The following DRC11 variants were observed in gnomAD, a reference collection of about 807,000 sequenced individuals.
DRC11 encodes the protein dynein regulatory complex subunit 11.
chr2:236,447,613 C>G, the DRC11 span, among the ~76,000 whole-genome samples: 1 of 152,218 alleles, frequency 6.6e-6, no homozygotes. This position sits in a 1 kb window ranked among gnomAD's most constrained non-coding sequence, Gnocchi z 4.6. Context: ...AAACCTACAA[C>G]GGTCTTACCA....
chr2:236,503,139 C>T, the DRC11 span, among the ~76,000 whole-genome samples: 71 of 152,308 alleles, frequency 4.7e-4, no homozygotes, highest in African/African-American at 1.7e-3. This position sits in a 1 kb window ranked among gnomAD's most constrained non-coding sequence, Gnocchi z 4.9. Flanking sequence ...ACATTGGCCA[C>T]ACCAACAAGC....
the DRC11 span, chr2:236,331,269 C>A: frequency 1.1e-6 from 1 of 946,930 alleles, no homozygotes; most frequent in Non-Finnish European, 1.7e-6. This position sits in a 1 kb window ranked among gnomAD's most constrained non-coding sequence, Gnocchi z 4.8. Flanking sequence ...TGGCCGAGTT[C>A]CAATTCACGA....
chr2:236,357,117 A>ATTATATATTCGTATATTATATATC, the DRC11 span, among the ~76,000 whole-genome samples: 1 of 97,892 alleles, frequency 1.0e-5, no homozygotes, highest in African/African-American at 3.6e-5. Flanking sequence ...ATATATCTAT[A>ATTATATATTCGTATATTATATATC]TATTATATAT....
chr2:236,329,822 C>A, the DRC11 span, among the ~76,000 whole-genome samples: 2 of 152,154 alleles, frequency 1.3e-5, no homozygotes, highest in Non-Finnish European at 2.9e-5. Context: ...ATAGAGCAAA[C>A]AAATACACCA....
At chr2:236,455,066 G>A in the DRC11 span, 1 of 152,358 alleles carries the variant, frequency 6.6e-6, no homozygotes, top group East Asian at 1.9e-4. The surrounding 1 kb of genome is among the most constrained non-coding windows in gnomAD (Gnocchi z 5.7). Context: ...AGAAGTAGGA[G>A]AGAGGCAATT....
chr2:236,447,614 G>A, the DRC11 span, among the ~76,000 whole-genome samples: 4 of 152,158 alleles, frequency 2.6e-5, no homozygotes, highest in Non-Finnish European at 4.4e-5. The surrounding 1 kb of genome is among the most constrained non-coding windows in gnomAD (Gnocchi z 4.6). Context: ...AACCTACAAC[G>A]GTCTTACCAA....
the DRC11 span, chr2:236,377,217 GCA>G: frequency 1.6e-5 from 22 of 1,374,686 alleles, no homozygotes; most frequent in Non-Finnish European, 2.1e-5. The surrounding 1 kb of genome is among the most constrained non-coding windows in gnomAD (Gnocchi z 4.9). Context: ...TGTTCCAGAG[GCA>G]CACACACAGA....
chr2:236,434,559 G>A, the DRC11 span, among the ~76,000 whole-genome samples: 1 of 152,118 alleles, frequency 6.6e-6, no homozygotes, highest in African/African-American at 2.4e-5. The surrounding 1 kb of genome is among the most constrained non-coding windows in gnomAD (Gnocchi z 5.5). Context: ...TCGGAGTGTG[G>A]GGGGATGAAG....
At chr2:236,462,022 C>T in the DRC11 span, among the ~76,000 whole-genome samples, 5 of 152,112 alleles carry the variant, frequency 3.3e-5, no homozygotes, top group South Asian at 1.0e-3. The surrounding 1 kb of genome is among the most constrained non-coding windows in gnomAD (Gnocchi z 6.4). Context: ...AGCCCTTGGG[C>T]CCCATCCTGT....
At chr2:236,348,832 T>G in the DRC11 span, among the ~76,000 whole-genome samples, 23 of 152,228 alleles carry the variant, frequency 1.5e-4, no homozygotes, top group Admixed American at 1.4e-3. This position sits in a 1 kb window ranked among gnomAD's most constrained non-coding sequence, Gnocchi z 7.4. Flanking sequence ...TGCCCTGGTT[T>G]CTCTGCACTC....
the DRC11 span, chr2:236,507,241 G>C: frequency 6.2e-7 from 1 of 1,613,720 alleles, no homozygotes; most frequent in Admixed American, 1.7e-5. Context: ...GCTGTGGCTG[G>C]GAGCCCATCA....
chr2:236,450,313 T>C, the DRC11 span, among the ~76,000 whole-genome samples: 27 of 145,168 alleles, frequency 1.9e-4, no homozygotes, highest in Non-Finnish European at 2.4e-4. Context: ...TCTTTTCTTT[T>C]CTTTTTTTTT....
At chr2:236,430,864 C>T in the DRC11 span, among the ~76,000 whole-genome samples, 3 of 152,016 alleles carry the variant, frequency 2.0e-5, no homozygotes, top group South Asian at 2.1e-4. This position sits in a 1 kb window ranked among gnomAD's most constrained non-coding sequence, Gnocchi z 6.0. Flanking sequence ...AAAATGTAGT[C>T]GCTTTTGTTT....
the DRC11 span, among the ~76,000 whole-genome samples, chr2:236,425,863 T>C: frequency 6.6e-6 from 1 of 152,052 alleles, no homozygotes; most frequent in Non-Finnish European, 1.5e-5. Context: ...GATATATAGT[T>C]TTCTCAAACC....
the DRC11 span, among the ~76,000 whole-genome samples, chr2:236,442,757 G>C: frequency 6.6e-6 from 1 of 152,148 alleles, no homozygotes; most frequent in Non-Finnish European, 1.5e-5. Context: ...TAAGTCATGG[G>C]AACCTCTCCA....
chr2:236,375,857 T>C, the DRC11 span, among the ~76,000 whole-genome samples: 11 of 152,212 alleles, frequency 7.2e-5, no homozygotes, highest in East Asian at 1.5e-3. The surrounding 1 kb of genome is among the most constrained non-coding windows in gnomAD (Gnocchi z 4.2). Context: ...GAAGGAATGA[T>C]AGAAAAATCT....
At chr2:236,394,347 G>GCTGGGCCAGGCGCAGTGGC in the DRC11 span, among the ~76,000 whole-genome samples, 11 of 152,144 alleles carry the variant, frequency 7.2e-5, no homozygotes, top group Non-Finnish European at 1.6e-4. The surrounding 1 kb of genome is among the most constrained non-coding windows in gnomAD (Gnocchi z 7.0). Flanking sequence ...AAAAGAGTGG[G>GCTGGGCCAGGCGCAGTGGC]TTGGGCCAGG....
chr2:236,416,768 T>TATAAAA, the DRC11 span, among the ~76,000 whole-genome samples: 10 of 92,940 alleles, frequency 1.1e-4, 1 homozygote, highest in South Asian at 2.0e-3. Context: ...TATATATATA[T>TATAAAA]AAATAATTTT....
At chr2:236,377,147 CCTT>C in the DRC11 span, 1 of 1,613,074 alleles carries the variant, frequency 6.2e-7, no homozygotes, top group Non-Finnish European at 8.5e-7. This position sits in a 1 kb window ranked among gnomAD's most constrained non-coding sequence, Gnocchi z 4.9. Flanking sequence ...GATCAGTAAT[CCTT>C]CTTCCACCAG....
Sources: allele counts gnomAD v4.1 joint callset (sites outside exome capture counted in the v4.1 genomes callset), GRCh38; gene constraint gnomAD v4.1.1; non-coding constraint Gnocchi (gnomAD v3.1); transcripts MANE v1.5; gene names NCBI Gene and HGNC (gene_info 2026-07-23, HGNC 2026-07-21).